ANO6: variants seen among roughly 807,000 people sequenced by gnomAD.
ANO6 encodes anoctamin-6.
ANO6 carries 106 observed loss-of-function variants against 117.5 expected under a neutral mutation model. The observed-to-expected ratio is 0.90, with a 90% CI of 0.77 to 1.06. ANO6 has a LOEUF of 1.06. Ranked by LOEUF, ANO6 falls within the 50% of genes least tolerant of loss-of-function variation. ANO6 has a pLI of 0.00. For synonymous variants in ANO6, 367 were observed against 385.1 expected (o/e 0.95, Z 0.55); for missense variants, 955 against 1,121.1 (o/e 0.85, Z 2.12).
chr12:45,231,657 C>T (rs545510941), intron 1 of ANO6, among the ~76,000 whole-genome samples: 10 of 152,306 alleles, frequency 6.6e-5, no homozygotes, highest in Admixed American at 2.0e-4. Context: ...AGGCTGTACT[C>T]TATTTGGAAG....
chr12:45,435,532 C>T (rs965054908), downstream of ANO6, among the ~76,000 whole-genome samples: 3 of 152,222 alleles, frequency 2.0e-5, no homozygotes, highest in Non-Finnish European at 4.4e-5. Context: ...AATGTACTCC[C>T]CTTCCTTCCC....
At position 45,359,036 on chromosome 12, in the gene ANO6, G is replaced by A. The variant is rs551873009; in HGVS notation, c.998+1612G>A. 3.2e-4 allele frequency among the ~76,000 whole-genome samples: 48 copies of A among 152,152 alleles called. No homozygotes were observed. In the South Asian group the frequency reaches 4.4e-3, roughly 14 times the overall value. ...TGACCTCAGGTGATCCGCCCGCCTC[G>A]GCCTCCCAAAGTGCTGGGATTACAG... On this transcript the variant is annotated intron_variant, in intron 8 of 19. Transcript: ENST00000320560.
chr12:45,317,003 T>C (rs1178262987), intron 2 of ANO6, among the ~76,000 whole-genome samples: 2 of 148,556 alleles, frequency 1.3e-5, no homozygotes, highest in Admixed American at 6.7e-5. Context: ...AAATATAACA[T>C]ACACATTAAT....
chr12:45,336,958 A>G (rs1180340361), intron 3 of ANO6, among the ~76,000 whole-genome samples: 1 of 152,034 alleles, frequency 6.6e-6, no homozygotes, highest in Non-Finnish European at 1.5e-5. Context: ...GATACTGATG[A>G]TCCTGACCCT....
intron 10 of ANO6, among the ~76,000 whole-genome samples, chr12:45,380,617 C>G (rs1942144722): frequency 6.6e-6 from 1 of 152,116 alleles, no homozygotes; most frequent in African/African-American, 2.4e-5. Context: ...TTCTGAGAGG[C>G]ATTTTAAAAA....
intron 9 of ANO6, among the ~76,000 whole-genome samples, chr12:45,377,493 G>A (rs1381827021): frequency 1.3e-5 from 2 of 152,136 alleles, no homozygotes; most frequent in African/African-American, 2.4e-5. Flanking sequence ...GCATCTGTCA[G>A]TGATGGTAGA....
chr12:45,327,400 A>G (rs1446341894), intron 2 of ANO6, among the ~76,000 whole-genome samples: 1 of 152,216 alleles, frequency 6.6e-6, no homozygotes, highest in Non-Finnish European at 1.5e-5. Context: ...AAAAGCTTTT[A>G]AAAAGGCTGT....
rs1206771641 is a variant in ANO6 at position 45,421,187 on chromosome 12, C to T, written c.2334C>T (p.Asn778=). 1.2e-6 allele frequency: 2 copies of T among 1,614,222 alleles called. No homozygotes were observed. Among genetic ancestry groups the T allele is most frequent in the Non-Finnish European group, 1.7e-6 (2 of 1,180,034 alleles). Residue 778 remains asparagine (N), a synonymous_variant, in exon 18 of 20, where the codon AAC becomes AAT. Coordinates refer to ENST00000320560, the MANE Select transcript of ANO6 (RefSeq NM_001025356.3). ...ACACCATGGAAGGGTACATCAACAACACTCTCTCCATCTTCAAAGTCGCAG... is the reference window on the plus strand; with the variant it reads ...ACACCATGGAAGGGTACATCAACAATACTCTCTCCATCTTCAAAGTCGCAG... The part of the protein sequence containing the change: ...TSYTMEGYIN[N]TLSIFKVADF...
At chr12:45,336,930 G>A (rs969328332) in intron 3 of ANO6, among the ~76,000 whole-genome samples, 12 of 152,060 alleles carry the variant, frequency 7.9e-5, no homozygotes, top group Admixed American at 5.2e-4. Flanking sequence ...GAGACAAGAT[G>A]TGGAGGTGGA....
chr12:45,428,210 T>G (rs1284992196), intron 19 of ANO6, among the ~76,000 whole-genome samples: 1 of 152,226 alleles, frequency 6.6e-6, no homozygotes, highest in Non-Finnish European at 1.5e-5. Flanking sequence ...CCTCAATGCC[T>G]GTTCATAGGG....
intron 19 of ANO6, among the ~76,000 whole-genome samples, chr12:45,438,253 G>A (rs954539639): frequency 8.9e-6 from 1 of 112,034 alleles, no homozygotes; most frequent in East Asian, 4.0e-4. Context: ...TTGCGTGTAT[G>A]TGTGTGTGTG....
At chr12:45,338,208 C>G (rs182710584) in intron 3 of ANO6, among the ~76,000 whole-genome samples, 2 of 151,976 alleles carry the variant, frequency 1.3e-5, no homozygotes, top group East Asian at 3.9e-4. Context: ...ACTGGTTGTT[C>G]CAAAGCAACA....
chr12:45,284,822 G>A (rs1373615996), intron 1 of ANO6, among the ~76,000 whole-genome samples: 1 of 152,180 alleles, frequency 6.6e-6, no homozygotes, highest in African/African-American at 2.4e-5. Flanking sequence ...AAAAGGAAAG[G>A]ACAAGGACAA....
chr12:45,411,287 T>C (rs1592034955), intron 16 of ANO6, among the ~76,000 whole-genome samples: 1 of 152,294 alleles, frequency 6.6e-6, no homozygotes, highest in African/African-American at 2.4e-5. Context: ...AACCAAATAA[T>C]TCTGCCTCAT....
At chr12:45,424,327 G>GTT (rs66945216) in intron 19 of ANO6, among the ~76,000 whole-genome samples, 5,823 of 81,128 alleles carry the variant, frequency 0.072, 1,316 homozygotes, top group Non-Finnish European at 0.1. Context: ...TAGGTGATGG[G>GTT]TTTTTTTTTT....
chr12:45,321,574 T>A (rs1221217795), intron 2 of ANO6, among the ~76,000 whole-genome samples: 1 of 152,196 alleles, frequency 6.6e-6, no homozygotes, highest in Non-Finnish European at 1.5e-5. Context: ...AATTCTAATA[T>A]TTGGTTGAAA....
chr12:45,314,991 C>T (rs906865059), intron 2 of ANO6, among the ~76,000 whole-genome samples: 15 of 151,924 alleles, frequency 9.9e-5, no homozygotes, highest in African/African-American at 3.6e-4. Flanking sequence ...TAGAGTTGAT[C>T]TTGGGAAGTG....
chr12:45,367,652 AT>A, intron 8 of ANO6, 35 bp from the exon 9 acceptor site: 1 of 1,563,522 alleles, frequency 6.4e-7, no homozygotes, highest in Non-Finnish European at 8.8e-7. Flanking sequence ...GCTGCTTTAA[AT>A]TTTTTAAAAT....
chr12:45,420,732 C>G (rs1019666493), intron 17 of ANO6, among the ~76,000 whole-genome samples: 1 of 152,120 alleles, frequency 6.6e-6, no homozygotes, highest in African/African-American at 2.4e-5. Context: ...TAACTTCGGC[C>G]AGGTGCAGTG....
Sources: allele counts gnomAD v4.1 joint callset (sites outside exome capture counted in the v4.1 genomes callset), GRCh38; gene constraint gnomAD v4.1.1; transcripts MANE v1.5; gene names NCBI Gene and HGNC (gene_info 2026-07-23, HGNC 2026-07-21).